SYT1: variants seen among roughly 807,000 people sequenced by gnomAD.
SYT1 encodes synaptotagmin 1.
Under a neutral mutation model 44.8 loss-of-function variants are expected in SYT1, and 8 were observed. The ratio of observed to expected loss-of-function variants is 0.18; its 90% CI spans 0.10 to 0.32. The LOEUF (loss-of-function observed/expected upper bound fraction) is 0.32. SYT1 is among the 10% of genes least tolerant of loss of function. The pLI is 1.00. For synonymous variants in SYT1, 154 were observed against 188.8 expected, an observed-to-expected ratio of 0.82 and a Z score of 1.51; for missense variants, 286 against 509.3, an observed-to-expected ratio of 0.56 and a Z score of 4.22.
intron 4 of SYT1, among the ~76,000 whole-genome samples, chr12:79,229,023 C>T (rs1299315662): frequency 6.6e-6 from 1 of 152,214 alleles, no homozygotes; most frequent in Admixed American, 6.5e-5. Context: ...GGTTTTCTGC[C>T]TTTCTCACTG....
In SYT1 at chr12:79,410,472, AG is replaced by A. The variant is rs575779073; in HGVS notation, c.929-33600del. Among the ~76,000 whole-genome samples, 21 of 146,154 alleles carry A rather than the reference AG, an allele frequency of 1.4e-4. No homozygotes were observed. In the East Asian group the frequency reaches 4.5e-3, roughly 31 times the overall value. On this transcript the variant is annotated intron_variant, in intron 9 of 10. Coordinates refer to ENST00000261205, the MANE Select transcript of SYT1 (RefSeq NM_005639.3). ...CTTTTCCACTTATCACTACAGATGC[AG>A]ACTTAAAACCATGGCTTCAGGCTGT...
chr12:78,875,600 C>T (rs57377574), intron 1 of SYT1, among the ~76,000 whole-genome samples: 3 of 151,252 alleles, frequency 2.0e-5, no homozygotes, highest in African/African-American at 7.3e-5. Flanking sequence ...GTTTCCCGTG[C>T]CTTAATATTT....
chr12:79,231,404 C>T (rs1427851730), intron 4 of SYT1, among the ~76,000 whole-genome samples: 2 of 152,090 alleles, frequency 1.3e-5, no homozygotes, highest in Non-Finnish European at 2.9e-5. Context: ...TTCATTGACA[C>T]TGCTACCCTG....
At chr12:79,162,440 G>T (rs1304574364) in intron 3 of SYT1, among the ~76,000 whole-genome samples, 2 of 152,034 alleles carry the variant, frequency 1.3e-5, no homozygotes. Context: ...TATGTTGCTT[G>T]ATTTACAAAA....
intron 8 of SYT1, among the ~76,000 whole-genome samples, chr12:79,349,025 A>AAG (rs1447537865): frequency 1.5e-5 from 2 of 132,562 alleles, no homozygotes; most frequent in African/African-American, 5.8e-5. Flanking sequence ...GAAAGAAAGA[A>AAG]AGAAAGAAAA....
At chr12:79,111,395 G>T (rs1034485798) in intron 3 of SYT1, among the ~76,000 whole-genome samples, 1 of 151,924 alleles carries the variant, frequency 6.6e-6, no homozygotes, top group African/African-American at 2.4e-5. Context: ...TCAGGGCTAA[G>T]TTCTGCAAGT....
At chr12:79,437,767 TTTTG>T (rs1292314832) in intron 9 of SYT1, among the ~76,000 whole-genome samples, 1 of 152,178 alleles carries the variant, frequency 6.6e-6, no homozygotes, top group Non-Finnish European at 1.5e-5. Flanking sequence ...TGGTCAGAAA[TTTTG>T]TTTAACAGAG....
chr12:78,980,921 GA>G (rs1015913488), intron 2 of SYT1, among the ~76,000 whole-genome samples: 6 of 152,026 alleles, frequency 3.9e-5, no homozygotes, highest in African/African-American at 1.4e-4. Context: ...AGCCAGGGGG[GA>G]GAGGGAGATG....
chr12:79,308,587 G>GGA lies in SYT1; in HGVS notation c.810+9036_810+9037insGA, dbSNP rs1565901317. Among the ~76,000 whole-genome samples the GGA allele has an allele frequency of 1.2e-3, 140 of 114,192 alleles. 1 individual carries two copies. Among genetic ancestry groups the GGA allele is most frequent in the African/African-American group, 4.1e-3 (126 of 30,558 alleles). The allele number at this position is 114,192 out of a possible 152,430, so 74.9% of individuals were successfully genotyped here. ...AGGAAAAGAAAGAAAAGAAGGAAAA[G>GGA]AAAGAAGAAAGAAAGAAAGAAAGAA... On this transcript the variant is annotated intron_variant, in intron 8 of 10. Coordinates refer to ENST00000261205, the MANE Select transcript of SYT1 (RefSeq NM_005639.3).
At chr12:79,026,878 GCTA>G (rs1872573383) in intron 2 of SYT1, among the ~76,000 whole-genome samples, 1 of 149,810 alleles carries the variant, frequency 6.7e-6, no homozygotes, top group African/African-American at 2.4e-5. Context: ...TATTAGGATG[GCTA>G]CTACAAAAAA....
At chr12:78,971,675 A>G (rs1868393742) in intron 1 of SYT1, among the ~76,000 whole-genome samples, 1 of 152,180 alleles carries the variant, frequency 6.6e-6, no homozygotes, top group African/African-American at 2.4e-5. Context: ...TACGTATTTT[A>G]TACTATTTTA....
chr12:79,105,181 T>C (rs1878646163), intron 3 of SYT1, among the ~76,000 whole-genome samples: 1 of 152,332 alleles, frequency 6.6e-6, no homozygotes, highest in East Asian at 1.9e-4. Context: ...CTCCTGTTTG[T>C]TTAGCGTTGA....
intron 3 of SYT1, among the ~76,000 whole-genome samples, chr12:79,155,064 A>C (rs565723544): frequency 3.9e-5 from 6 of 152,212 alleles, no homozygotes; most frequent in Non-Finnish European, 8.8e-5. Context: ...TAAATTTATG[A>C]GCCAAGTGTA....
chr12:79,055,739 T>C (rs965428478), intron 3 of SYT1, among the ~76,000 whole-genome samples: 1 of 152,052 alleles, frequency 6.6e-6, no homozygotes, highest in Non-Finnish European at 1.5e-5. Context: ...ATTACAGAAA[T>C]TAATATAGTA....
chr12:78,898,261 T>C (rs1875471334), intron 1 of SYT1, among the ~76,000 whole-genome samples: 2 of 152,020 alleles, frequency 1.3e-5, no homozygotes, highest in Non-Finnish European at 2.9e-5. Flanking sequence ...ATATCAATAC[T>C]CTTGGAACGA....
chr12:79,081,644 G>T (rs776503554), intron 3 of SYT1, among the ~76,000 whole-genome samples: 19 of 152,144 alleles, frequency 1.2e-4, no homozygotes, highest in Non-Finnish European at 2.8e-4. Flanking sequence ...CTCCCAAAGT[G>T]CTGGGCTTAC....
chr12:78,983,024 C>G (rs1313710397), intron 2 of SYT1, among the ~76,000 whole-genome samples: 1 of 151,882 alleles, frequency 6.6e-6, no homozygotes, highest in Non-Finnish European at 1.5e-5. Flanking sequence ...AATAATAAGA[C>G]CCACCAAAAT....
chr12:79,317,030 G>T (rs184013476), intron 8 of SYT1, among the ~76,000 whole-genome samples: 3 of 152,176 alleles, frequency 2.0e-5, no homozygotes, highest in Non-Finnish European at 4.4e-5. Context: ...TATTTTTCAA[G>T]CATAGGTCTG....
intron 3 of SYT1, among the ~76,000 whole-genome samples, chr12:79,149,494 T>A (rs143108563): frequency 3.8e-3 from 579 of 152,310 alleles, no homozygotes; most frequent in Non-Finnish European, 6.0e-3. Context: ...AAATTATCCC[T>A]AACAATGTTT....
Sources: allele counts gnomAD v4.1 joint callset (sites outside exome capture counted in the v4.1 genomes callset), GRCh38; gene constraint gnomAD v4.1.1; transcripts MANE v1.5; gene names NCBI Gene and HGNC (gene_info 2026-07-23, HGNC 2026-07-21).